MYO1C: variants seen among roughly 807,000 people sequenced by gnomAD.
MYO1C encodes myosin IC.
A neutral mutation model predicts 150.8 loss-of-function variants in MYO1C; 104 were observed. The observed-to-expected ratio is 0.69, with a 90% CI of 0.59 to 0.81. The LOEUF (loss-of-function observed/expected upper bound fraction) is 0.81. Ranked by LOEUF, MYO1C falls within the 30% of genes least tolerant of loss-of-function variation. MYO1C has a pLI of 0.00. For synonymous variants in MYO1C, 663 were observed against 579.9 expected (o/e 1.14, Z -2.06); for missense variants, 1,504 against 1,435.0 (o/e 1.05, Z -0.78).
intron 1 of MYO1C, chr17:1,491,623 C>T (rs2074735960): frequency 2.0e-6 from 2 of 981,480 alleles, no homozygotes; most frequent in South Asian, 4.7e-5. Context: ...CCGGCGCGGG[C>T]GGGGCCGGGC....
At chr17:1,484,384 AG>A (rs2074606892) in intron 1 of MYO1C, 81 bp from the exon 2 acceptor site, 1 of 1,529,184 alleles carries the variant, frequency 6.5e-7, no homozygotes, top group African/African-American at 1.4e-5. Context: ...TGGGACTGAG[AG>A]GGAACGTAGG....
intron 17 of MYO1C, 106 bp downstream of exon 17, chr17:1,474,504 G>A (rs939821723): frequency 7.0e-6 from 8 of 1,140,038 alleles, no homozygotes; most frequent in East Asian, 4.7e-5. Flanking sequence ...AGATGTGCAC[G>A]GGCTCACACG....
intron 17 of MYO1C, 86 bp downstream of exon 17, chr17:1,474,524 G>A (rs942701053): frequency 5.0e-6 from 7 of 1,398,618 alleles, no homozygotes; most frequent in African/African-American, 1.4e-5. Flanking sequence ...GCGTTCACAC[G>A]CACGCTGCCA....
chr17:1,482,557 G>C lies in MYO1C; in HGVS notation c.548C>G (p.Ala183Gly), dbSNP rs1247862100. Residue 183 changes from alanine (A) to glycine (G), a missense_variant and splice_region_variant, in exon 5 of 32, where the codon GCC (alanine) becomes GGC (glycine). By Grantham distance (60) the Ala-to-Gly change is moderately conservative (BLOSUM62 0). Coordinates refer to ENST00000648651, the MANE Select transcript of MYO1C (RefSeq NM_001080779.2). The stretch of plus-strand genomic sequence containing the variant: ...CCGGAGGGTCTTGGCATTTCCAAAG[G>C]CCTAGGAGTGGACAGGGGTATGAGG... ...RLLQSNPVLE[A>G]FGNAKTLRND... The C allele has an allele frequency of 6.2e-7, 1 of 1,613,724 alleles. No homozygotes were observed. Among genetic ancestry groups the C allele is most frequent in the South Asian group, 1.1e-5 (1 of 91,066 alleles).
rs1286704862 is a variant in MYO1C, at chr17:1,471,106, G to A, written c.2177C>T (p.Thr726Ile). The A allele has an allele frequency of 6.2e-7, 1 of 1,614,160 alleles. No individual in the cohort carries two copies. Among genetic ancestry groups the A allele is most frequent in the South Asian group, 1.1e-5 (1 of 91,084 alleles). Residue 726 changes from threonine (T) to isoleucine (I), a missense_variant, in exon 21 of 32, where the codon ACA becomes ATA. By Grantham distance (89) the Thr-to-Ile change is moderately conservative. Coordinates refer to ENST00000648651, the MANE Select transcript of MYO1C (RefSeq NM_001080779.2). ...FIRFPKTLFA[T>I]EDALEVRRQS... ...CCGCCGGACCTCCAGGGCATCCTCT[G>A]TGGCAAACAGGGTCTTGGGGAAGCG...
rs750436101 is a variant in MYO1C at position 1,478,138 on chromosome 17, G to A, written c.1350C>T (p.Ile450=). The change falls in exon 12 of 32, where the codon ATC becomes ATT. Residue 450 remains isoleucine, a synonymous_variant. Coordinates refer to ENST00000648651, the MANE Select transcript of MYO1C (RefSeq NM_001080779.2). This position sits in a 1 kb window ranked among gnomAD's most constrained non-coding sequence, Gnocchi z 6.3. ...CCTGCTCCGACTTGAGCGTGAGCTC[G>A]ATGAAGAGCTGCTGCAGCTTCTCGT... ...YCNEKLQQLF[I]ELTLKSEQEE... is the part of the protein sequence containing the mutation. 5 of 1,614,078 alleles carry A rather than the reference G, an allele frequency of 3.1e-6. No individual in the cohort carries two copies. In the Middle Eastern group the frequency reaches 4.9e-4, roughly 160 times the overall value.
chr17:1,482,432 A>C, intron 5 of MYO1C, 46 bp downstream of exon 5: 12 of 1,536,434 alleles, frequency 7.8e-6, no homozygotes, highest in Non-Finnish European at 1.1e-5. Flanking sequence ...TCACACGTGT[A>C]GAGCCTACTG....
At chr17:1,485,554 CT>C in intron 1 of MYO1C, 1 of 658,936 alleles carries the variant, frequency 1.5e-6, no homozygotes, top group Non-Finnish European at 2.0e-6. Flanking sequence ...CCTCGGCCTC[CT>C]CCCCCTGCAA....
rs1697913572 is a variant in MYO1C at position 1,464,951 on chromosome 17, T to TAGAGGCGTA, written c.*774_*775insTACGCCTCT. Reference sequence around the variant, plus strand: ...CCTCAGCCTCCCGAGTAGCTGGGATTAGAGGCGTGCACCACCATGCCCGGC... The same window carrying TAGAGGCGTA: ...CCTCAGCCTCCCGAGTAGCTGGGATTAGAGGCGTAAGAGGCGTGCACCACCATGCCCGGC... On this transcript the variant is annotated 3_prime_UTR_variant, in exon 32 of 32. Transcript: ENST00000648651. The TAGAGGCGTA allele has an allele frequency of 6.6e-6, 1 of 152,286 alleles. No individual in the cohort carries two copies. Among genetic ancestry groups the TAGAGGCGTA allele is most frequent in the South Asian group, 2.1e-4 (1 of 4,832 alleles). The allele number at this position is 152,286 out of a possible 1,614,324, so 9.4% of individuals were successfully genotyped here.
rs780419110 is a variant in MYO1C, at chr17:1,478,541, C to T, written c.1213-49G>A. 1.3e-5 allele frequency: 21 copies of T among 1,613,688 alleles called. No homozygotes were observed. The highest frequency in any genetic ancestry group is 1.7e-5 in the Admixed American group (1 of 59,990). On this transcript the variant is annotated intron_variant, in intron 10 of 31. Coordinates refer to ENST00000648651, the MANE Select transcript of MYO1C (RefSeq NM_001080779.2). The surrounding 1 kb of genome is among the most constrained non-coding windows in gnomAD (Gnocchi z 6.3). Reference sequence around the variant, plus strand: ...GCGTGGGCCCCCTGCGCGTGCCAGCCCCACCCTGCAGCACCCCCCGCCTCG... The same window carrying T: ...GCGTGGGCCCCCTGCGCGTGCCAGCTCCACCCTGCAGCACCCCCCGCCTCG...
At chr17:1,471,457 C>T (rs1025644972) in intron 19 of MYO1C, 121 bp from the exon 20 acceptor site, 2 of 788,898 alleles carry the variant, frequency 2.5e-6, no homozygotes, top group Non-Finnish European at 4.3e-6. Flanking sequence ...TAGCAGGAGG[C>T]TCACTCGGTC....
chr17:1,482,467 A>G lies in MYO1C; in HGVS notation c.627+11T>C. 1 of 1,612,358 alleles carries G rather than the reference A, an allele frequency of 6.2e-7. No homozygotes were observed. The highest frequency in any genetic ancestry group is 8.5e-7 in the Non-Finnish European group (1 of 1,178,506). ...GAATGGGAATCCTCACGACACACAC[A>G]TCCATGGTACCTTGAAGTCAAACTG... On this transcript the variant is annotated intron_variant, in intron 5 of 31. Coordinates refer to ENST00000648651, the MANE Select transcript of MYO1C (RefSeq NM_001080779.2).
intron 5 of MYO1C, among the ~76,000 whole-genome samples, chr17:1,482,246 A>G (rs2074538198): frequency 2.0e-5 from 3 of 152,098 alleles, no homozygotes. Context: ...TTTCTCAGTG[A>G]GGCCTACCCT....
Position 1,468,453 on chromosome 17 carries a change from T to C in MYO1C, c.2654A>G (p.Lys885Arg). 6.2e-7 allele frequency: 1 copy of C among 1,614,022 alleles called. No individual in the cohort carries two copies. The highest frequency in any genetic ancestry group is 8.5e-7 in the Non-Finnish European group (1 of 1,179,982). ...AVASEIFKGKKDNYPQSVPRL... is the reference protein window; with the variant it reads ...AVASEIFKGKRDNYPQSVPRL... ...GGGTACACTCTGAGGGTAATTATCC[T>C]TCTTGCCCTTGAAGATCTCACTAGC... Residue 885 changes from lysine to arginine, a missense_variant, in exon 26 of 32, where the codon AAG (lysine) becomes AGG (arginine). Coordinates refer to ENST00000648651, the MANE Select transcript of MYO1C (RefSeq NM_001080779.2).
Position 1,482,907 on chromosome 17 carries a change from C to G in MYO1C, c.500G>C (p.Gly167Ala). The G allele has an allele frequency of 6.3e-7, 1 of 1,579,348 alleles. No homozygotes were observed. Among genetic ancestry groups the G allele is most frequent in the East Asian group, 2.3e-5 (1 of 44,378 alleles). ...YAETCPAPER[G>A]GAVRDRLLQS... ...TAGCAGCCGGTCCCGCACGGCACCTCCGCGCTCGGGGGCTGGGCAGGTCTC... is the reference window on the plus strand; with the variant it reads ...TAGCAGCCGGTCCCGCACGGCACCTGCGCGCTCGGGGGCTGGGCAGGTCTC... Residue 167 changes from glycine to alanine, a missense_variant, in exon 4 of 32, where the codon GGA (glycine) becomes GCA (alanine). Gly to Ala is a moderately conservative substitution (Grantham distance 60). Coordinates refer to ENST00000648651, the MANE Select transcript of MYO1C (RefSeq NM_001080779.2).
intron 3 of MYO1C, among the ~76,000 whole-genome samples, 191 bp from the exon 4 acceptor site, chr17:1,483,250 G>A (rs1030146422): frequency 4.6e-5 from 7 of 152,120 alleles, no homozygotes; most frequent in African/African-American, 7.2e-5. Context: ...CACCGCCAGC[G>A]GGAGGACTGA....
chr17:1,483,025 G>T lies in MYO1C; in HGVS notation c.382C>A (p.Arg128Ser). ...AVADTVYRAL[R>S]TERRDQAVMI... ...ACAGCCTGGTCCCGACGCTCCGTGC[G>T]CAGTGCTCGGTACACAGTGTCCGCC... The change falls in exon 4 of 32, where the codon CGC (arginine) becomes AGC (serine). Residue 128 changes from arginine (R) to serine (S), a missense_variant. Transcript: ENST00000648651. 1 of 1,611,292 alleles carries T rather than the reference G, an allele frequency of 6.2e-7. No individual in the cohort carries two copies. Among genetic ancestry groups the T allele is most frequent in the Non-Finnish European group, 8.5e-7 (1 of 1,179,760 alleles).
At position 1,478,269 on chromosome 17, in the gene MYO1C, CCT is replaced by C; in HGVS notation, c.1296-79_1296-78del. ...GAGAGGGGAAAAGCTGGACGACGCC[CCT>C]GAGCACAGGAGGTGAGAAACACAGA... On this transcript the variant is annotated intron_variant, in intron 11 of 31. Coordinates refer to ENST00000648651, the MANE Select transcript of MYO1C (RefSeq NM_001080779.2). This position sits in a 1 kb window ranked among gnomAD's most constrained non-coding sequence, Gnocchi z 6.3. 3.2e-6 allele frequency: 5 copies of C among 1,564,002 alleles called. No individual in the cohort carries two copies. Among genetic ancestry groups the C allele is most frequent in the Non-Finnish European group, 4.4e-6 (5 of 1,135,802 alleles).
rs941456806 is a variant in MYO1C at position 1,464,516 on chromosome 17, T to C, written c.*1210A>G. On this transcript the variant is annotated 3_prime_UTR_variant, in exon 32 of 32. Coordinates refer to ENST00000648651, the MANE Select transcript of MYO1C (RefSeq NM_001080779.2). ...CCCACCTGGTGGCTCCCAGGGCCGA[T>C]TGCTGGTCAAGGAGCCAGATATACT... 2.6e-5 allele frequency: 4 copies of C among 152,754 alleles called. No homozygotes were observed. The highest frequency in any genetic ancestry group is 1.3e-4 in the Admixed American group (2 of 15,280). 9.5% of individuals were successfully genotyped at this position (152,754 alleles called of 1,614,324 possible). A position where few individuals can be genotyped will look rare whatever the true frequency, so the allele number is the denominator to read the frequency against.
Sources: gnomAD v4.1 joint callset for allele counts (sites outside exome capture counted in the v4.1 genomes callset) on GRCh38, gnomAD v4.1.1 for gene constraint, Gnocchi (gnomAD v3.1) non-coding constraint, MANE v1.5 for transcripts, NCBI Gene and HGNC (gene_info 2026-07-23, HGNC 2026-07-21) for gene names.